Variants in PLAC8L1 observed in about 807,000 individuals in gnomAD.
PLAC8L1 encodes the protein PLAC8 like 1, also known as PLAC8-like protein 1.
PLAC8L1 carries 13 observed loss-of-function variants against 16.3 expected under a neutral mutation model. The observed-to-expected ratio is 0.80, with a 90% CI of 0.52 to 1.27. The LOEUF is 1.27. Among genes scored for constraint, PLAC8L1 ranks in the 50% most tolerant of loss-of-function variants. The pLI, the probability that PLAC8L1 is intolerant of heterozygous loss-of-function variation, is 0.00. For missense variants in PLAC8L1, 184 were observed against 220.2 expected, an observed-to-expected ratio of 0.84 and a Z score of 1.04; for synonymous variants, 78 against 79.3, an observed-to-expected ratio of 0.98 and a Z score of 0.09.
chr5:146,094,252 T>C (rs1024081416), intron 2 of PLAC8L1, among the ~76,000 whole-genome samples: 1 of 152,114 alleles, frequency 6.6e-6, no homozygotes, highest in Admixed American at 6.5e-5. Flanking sequence ...CCAGCTAATT[T>C]TGTATTTTCA....
At chr5:146,086,005 A>G (rs1269894824) in intron 2 of PLAC8L1, among the ~76,000 whole-genome samples, 2 of 146,100 alleles carry the variant, frequency 1.4e-5, no homozygotes, top group African/African-American at 2.5e-5. Context: ...ATCTATTTCT[A>G]TAAGTGTAAT....
intron 2 of PLAC8L1, 117 bp downstream of exon 2, chr5:146,098,039 C>A: frequency 8.2e-7 from 1 of 1,217,492 alleles, no homozygotes; most frequent in Non-Finnish European, 1.1e-6. Flanking sequence ...AAAGATTAGT[C>A]CAGTTATTCT....
At chr5:146,098,331 GTGTT>G (rs1330316665) in intron 1 of PLAC8L1, 39 bp from the exon 2 acceptor site, 1 of 1,601,034 alleles carries the variant, frequency 6.2e-7, no homozygotes. Context: ...GGAAACAAAG[GTGTT>G]TCAGAACAAT....
chr5:146,085,627 G>C, intron 2 of PLAC8L1, 30 bp from the exon 3 acceptor site: 1 of 1,589,506 alleles, frequency 6.3e-7, no homozygotes, highest in Admixed American at 1.7e-5. Flanking sequence ...AAAAGCCAAG[G>C]TTCTCAGATT....
chr5:146,092,535 A>ATTTT (rs35101919), intron 2 of PLAC8L1, among the ~76,000 whole-genome samples: 56 of 100,384 alleles, frequency 5.6e-4, no homozygotes, highest in Admixed American at 7.7e-4. Flanking sequence ...ATCTTTGCAG[A>ATTTT]TTTTTTTTTT....
At chr5:146,093,492 A>G (rs763146572) in intron 2 of PLAC8L1, among the ~76,000 whole-genome samples, 19 of 152,184 alleles carry the variant, frequency 1.2e-4, no homozygotes, top group Non-Finnish European at 2.5e-4. Context: ...ATTTACGCAA[A>G]CAGATGGGGG....
rs1404816889 is a variant in PLAC8L1, at chr5:146,084,367, A to C, written c.*65T>G. Reference sequence around the variant, plus strand: ...TTTCAGTAAAAACTTAGGAAAAAGCAATTGTTCCACTGAGAGGTTTGAGAG... The same window carrying C: ...TTTCAGTAAAAACTTAGGAAAAAGCCATTGTTCCACTGAGAGGTTTGAGAG... On this transcript the variant is annotated 3_prime_UTR_variant, in exon 4 of 4. Transcript: ENST00000311450. 2.5e-5 allele frequency: 38 copies of C among 1,548,438 alleles called. No homozygotes were observed. Among genetic ancestry groups the C allele is most frequent in the Non-Finnish European group, 3.2e-5 (37 of 1,138,592 alleles).
intron 2 of PLAC8L1, among the ~76,000 whole-genome samples, chr5:146,097,951 G>T (rs1336881687): frequency 6.6e-6 from 1 of 152,112 alleles, no homozygotes; most frequent in Non-Finnish European, 1.5e-5. Flanking sequence ...AATCTTTGAA[G>T]GCACCACTTA....
chr5:146,102,609 G>A (rs867880822), intron 1 of PLAC8L1, among the ~76,000 whole-genome samples: 1 of 152,288 alleles, frequency 6.6e-6, no homozygotes, highest in Middle Eastern at 3.4e-3. Flanking sequence ...GAACAGGAAT[G>A]AGTATGCAAA....
intron 2 of PLAC8L1, among the ~76,000 whole-genome samples, chr5:146,088,222 A>G (rs1325425131): frequency 6.6e-6 from 1 of 152,144 alleles, no homozygotes; most frequent in Non-Finnish European, 1.5e-5. Flanking sequence ...TTGGCTTCCC[A>G]AAGTACTGGG....
chr5:146,086,586 A>G (rs181380722), intron 2 of PLAC8L1, among the ~76,000 whole-genome samples: 1 of 152,346 alleles, frequency 6.6e-6, no homozygotes, highest in African/African-American at 2.4e-5. Flanking sequence ...TATTCTAAAT[A>G]TGTTTTGGGT....
chr5:146,101,591 A>G (rs1207440334), intron 1 of PLAC8L1, among the ~76,000 whole-genome samples: 1 of 152,202 alleles, frequency 6.6e-6, no homozygotes, highest in Non-Finnish European at 1.5e-5. Flanking sequence ...TCATGGGTGC[A>G]TGATAAGTAT....
chr5:146,089,275 C>CA (rs1480811181), intron 2 of PLAC8L1, among the ~76,000 whole-genome samples: 1 of 152,076 alleles, frequency 6.6e-6, no homozygotes, highest in Non-Finnish European at 1.5e-5. Context: ...AAACATACCT[C>CA]AAATTCAATT....
At chr5:146,101,840 C>T (rs1763822468) in intron 1 of PLAC8L1, among the ~76,000 whole-genome samples, 1 of 152,142 alleles carries the variant, frequency 6.6e-6, no homozygotes, top group African/African-American at 2.4e-5. Flanking sequence ...CATCATTAGG[C>T]TAAGAGCTTC....
At chr5:146,085,002 G>T (rs1763483174) in intron 3 of PLAC8L1, among the ~76,000 whole-genome samples, 1 of 152,136 alleles carries the variant, frequency 6.6e-6, no homozygotes, top group Non-Finnish European at 1.5e-5. Flanking sequence ...AGTAATCATT[G>T]TTACCAGTTT....
chr5:146,084,657 C>T, intron 3 of PLAC8L1, 85 bp from the exon 4 acceptor site: 16 of 1,517,218 alleles, frequency 1.1e-5, no homozygotes, highest in Non-Finnish European at 1.4e-5. Context: ...TACCTCCTGG[C>T]CCTTCAACCA....
chr5:146,088,462 G>A (rs995683529), intron 2 of PLAC8L1, among the ~76,000 whole-genome samples: 2 of 152,090 alleles, frequency 1.3e-5, no homozygotes, highest in African/African-American at 4.8e-5. Flanking sequence ...CCCACAGTGA[G>A]CACTTCAAAG....
intron 3 of PLAC8L1, 115 bp downstream of exon 3, chr5:146,085,346 A>C: frequency 8.6e-7 from 1 of 1,163,236 alleles, no homozygotes; most frequent in South Asian, 1.9e-5. Flanking sequence ...CCCACTAAGC[A>C]TGGTATGTTT....
intron 1 of PLAC8L1, among the ~76,000 whole-genome samples, chr5:146,099,658 C>CAAAAAAAAAAAAAAAAAAAAAAAAAAA (rs10581890): frequency 1.1e-5 from 1 of 88,754 alleles, no homozygotes; most frequent in South Asian, 4.2e-4. Context: ...GACTCCGTCT[C>CAAAAAAAAAAAAAAAAAAAAAAAAAAA]AAAAAAAAAA....
Sources: allele counts gnomAD v4.1 joint callset (sites outside exome capture counted in the v4.1 genomes callset), GRCh38; gene constraint gnomAD v4.1.1; transcripts MANE v1.5; gene names NCBI Gene and HGNC (gene_info 2026-07-23, HGNC 2026-07-21).